Variants in ZCCHC8 observed in about 807,000 individuals in gnomAD.
The protein encoded by ZCCHC8 is zinc finger CCHC-type containing 8, also known as zinc finger CCHC domain-containing protein 8.
ZCCHC8 carries 27 observed loss-of-function variants against 70.6 expected under a neutral mutation model. The ratio of observed to expected loss-of-function variants is 0.38; its 90% CI spans 0.28 to 0.53. ZCCHC8 has a LOEUF of 0.53. Ranked by LOEUF, ZCCHC8 falls within the 20% of genes least tolerant of loss-of-function variation. The pLI is 0.81. For missense variants in ZCCHC8, 737 were observed against 876.9 expected, an observed-to-expected ratio of 0.84 and a Z score of 2.01; for synonymous variants, 293 against 317.4, an observed-to-expected ratio of 0.92 and a Z score of 0.82.
intron 3 of ZCCHC8, 111 bp from the exon 4 acceptor site, chr12:122,490,678 A>G (rs1268360932): frequency 1.0e-5 from 6 of 600,550 alleles, no homozygotes; most frequent in Non-Finnish European, 1.7e-5. Context: ...GTTTTTCAGA[A>G]GTTTAATAAA....
At chr12:122,482,789 G>C in intron 7 of ZCCHC8, 94 bp from the exon 8 acceptor site, 1 of 1,038,916 alleles carries the variant, frequency 9.6e-7, no homozygotes, top group Non-Finnish European at 1.4e-6. Context: ...GTATCAGAGA[G>C]ACAAGAAAGC....
At chr12:122,486,412 CAAAAAAAAAAA>C (rs762392385) in intron 5 of ZCCHC8, among the ~76,000 whole-genome samples, 1 of 50,858 alleles carries the variant, frequency 2.0e-5, no homozygotes, top group Non-Finnish European at 3.9e-5. Flanking sequence ...GAGGCTGTCT[CAAAAAAAAAAA>C]AAAAAAAAAA....
intron 11 of ZCCHC8, among the ~76,000 whole-genome samples, chr12:122,478,776 C>G (rs1025236367): frequency 6.6e-6 from 1 of 152,146 alleles, no homozygotes; most frequent in Non-Finnish European, 1.5e-5. Flanking sequence ...CAGTGGTTCT[C>G]GGTAAGAATC....
intron 2 of ZCCHC8, among the ~76,000 whole-genome samples, chr12:122,495,301 C>A (rs1188391800): frequency 6.6e-6 from 1 of 151,982 alleles, no homozygotes; most frequent in East Asian, 1.9e-4. Context: ...ACCAGCTTGG[C>A]CAACATGGTG....
intron 5 of ZCCHC8, among the ~76,000 whole-genome samples, chr12:122,488,832 T>C (rs1036696756): frequency 2.7e-5 from 4 of 149,862 alleles, no homozygotes; most frequent in Non-Finnish European, 4.4e-5. Context: ...GATTGCACCA[T>C]TGCACTCCAG....
rs1161800991 is a variant in ZCCHC8 at position 122,483,218 on chromosome 12, A to C, written c.671+61T>G. The C allele has an allele frequency of 6.7e-7, 1 of 1,488,146 alleles. No homozygotes were observed. 92.2% of individuals were successfully genotyped at this position (1,488,146 alleles called of 1,614,324 possible). A position where few individuals can be genotyped will look rare whatever the true frequency, so the allele number is the denominator to read the frequency against. ...TAAAGAACATGAACTTTTCAAGCCA[A>C]AAGTTTATGATTTTGGTTAAAAAAG... On this transcript the variant is annotated intron_variant, in intron 7 of 13. Transcript: ENST00000633063. The surrounding 1 kb of genome is among the most constrained non-coding windows in gnomAD (Gnocchi z 4.4).
intron 2 of ZCCHC8, among the ~76,000 whole-genome samples, chr12:122,494,958 T>C (rs1180064020): frequency 6.6e-6 from 1 of 152,172 alleles, no homozygotes; most frequent in Non-Finnish European, 1.5e-5. Flanking sequence ...AATTTGAATA[T>C]GGAGTTGGTA....
At chr12:122,488,278 G>A (rs770401282) in intron 5 of ZCCHC8, among the ~76,000 whole-genome samples, 8 of 151,896 alleles carry the variant, frequency 5.3e-5, no homozygotes, top group Non-Finnish European at 7.4e-5. Context: ...GTGATCCATC[G>A]GCCTCAGCCT....
intron 2 of ZCCHC8, among the ~76,000 whole-genome samples, chr12:122,494,384 T>G (rs577930849): frequency 6.7e-6 from 1 of 148,996 alleles, no homozygotes; most frequent in South Asian, 2.1e-4. Flanking sequence ...CAACCCCGTT[T>G]CTACTAAAAA....
Position 122,492,708 on chromosome 12 carries a change from T to C in ZCCHC8, c.317+7A>G, listed in dbSNP as rs1957768896. Reference sequence around the variant, plus strand: ...ATTATATTTAGGAAAGGGAAAAAATTACTTACTTTGAAATAGCATTGTTCA... The same window carrying C: ...ATTATATTTAGGAAAGGGAAAAAATCACTTACTTTGAAATAGCATTGTTCA... On this transcript the variant is annotated splice_region_variant and intron_variant, in intron 3 of 13. Transcript: ENST00000633063. The C allele has an allele frequency of 2.0e-6, 3 of 1,508,498 alleles. No individual in the cohort carries two copies. The highest frequency in any genetic ancestry group is 2.7e-6 in the Non-Finnish European group (3 of 1,111,726). The allele number at this position is 1,508,498 out of a possible 1,614,324, so 93.4% of individuals were successfully genotyped here. A position where few individuals can be genotyped will look rare whatever the true frequency, so the allele number is the denominator to read the frequency against.
In ZCCHC8 at chr12:122,485,558, G is replaced by A. The variant is rs572709393; in HGVS notation, c.502-1995C>T. On this transcript the variant is annotated intron_variant, in intron 5 of 13. Transcript: ENST00000633063. ...GAAGTGTCAACTTGACAGCTCTCAA[G>A]GGGCGTGTGAGTGGCATCTCAAACT... is the stretch of plus-strand genomic sequence containing the variant. 7.0e-4 allele frequency among the ~76,000 whole-genome samples: 106 copies of A among 152,268 alleles called. No individual in the cohort carries two copies. The Middle Eastern group carries it at 0.024, about 34-fold the overall frequency.
intron 1 of ZCCHC8, 91 bp from the exon 2 acceptor site, chr12:122,498,960 T>C (rs1957873158): frequency 8.2e-7 from 1 of 1,214,502 alleles, no homozygotes; most frequent in Non-Finnish European, 1.2e-6. Context: ...TGTCAGAATA[T>C]TATAAAGACA....
At chr12:122,480,440 T>A in intron 10 of ZCCHC8, 129 bp from the exon 11 acceptor site, 1 of 788,506 alleles carries the variant, frequency 1.3e-6, no homozygotes. Flanking sequence ...CTTTCAATTT[T>A]CATTATAATT....
intron 13 of ZCCHC8, among the ~76,000 whole-genome samples, chr12:122,477,006 T>C (rs529395828): frequency 1.3e-5 from 2 of 150,792 alleles, no homozygotes; most frequent in South Asian, 4.2e-4. Context: ...TGGGAGACAG[T>C]GAAACTCTGT....
chr12:122,484,344 C>T (rs992290947), intron 5 of ZCCHC8, among the ~76,000 whole-genome samples: 3 of 152,008 alleles, frequency 2.0e-5, no homozygotes, highest in Non-Finnish European at 2.9e-5. Context: ...GCGATCCACC[C>T]GACTCAGCCT....
chr12:122,486,742 G>A (rs1375927998), intron 5 of ZCCHC8, among the ~76,000 whole-genome samples: 3 of 152,052 alleles, frequency 2.0e-5, no homozygotes, highest in Non-Finnish European at 4.4e-5. Context: ...GCTAATTTTT[G>A]TATTTTTAGT....
chr12:122,489,054 T>C (rs1957696443), intron 5 of ZCCHC8, among the ~76,000 whole-genome samples: 2 of 152,208 alleles, frequency 1.3e-5, no homozygotes, highest in Admixed American at 1.3e-4. Flanking sequence ...TGCCATCTGT[T>C]ACATTAGCTA....
chr12:122,474,821 G>A (rs1593310955), intron 13 of ZCCHC8, among the ~76,000 whole-genome samples: 3 of 141,498 alleles, frequency 2.1e-5, no homozygotes, highest in African/African-American at 5.2e-5. Flanking sequence ...TGTATCCTCC[G>A]TCTCCTGGGT....
chr12:122,474,346 G>T, intron 13 of ZCCHC8, 71 bp from the exon 14 acceptor site: 1 of 1,295,042 alleles, frequency 7.7e-7, no homozygotes, highest in Non-Finnish European at 1.0e-6. Flanking sequence ...TTTGTTATTT[G>T]AACTCAGGTG....
Sources: allele counts gnomAD v4.1 joint callset (sites outside exome capture counted in the v4.1 genomes callset), GRCh38; gene constraint gnomAD v4.1.1; non-coding constraint Gnocchi (gnomAD v3.1); transcripts MANE v1.5; gene names NCBI Gene and HGNC (gene_info 2026-07-23, HGNC 2026-07-21).